WDR86: variants seen among roughly 807,000 people sequenced by gnomAD.
WDR86 encodes WD repeat domain 86, also known as WD repeat-containing protein 86.
A neutral mutation model predicts 36.5 loss-of-function variants in WDR86; 30 were observed. The ratio of observed to expected loss-of-function variants is 0.82; its 90% CI spans 0.61 to 1.11. WDR86 has a LOEUF of 1.11. WDR86 is among the 50% of genes most tolerant of loss of function. WDR86 has a pLI of 0.00. For synonymous variants in WDR86, 255 were observed against 252.9 expected (o/e 1.01, Z -0.08); for missense variants, 545 against 561.2 (o/e 0.97, Z 0.29).
rs1484185026 is a variant in WDR86, at chr7:151,401,252, G to A, written c.164-1011C>T. On this transcript the variant is annotated intron_variant, in intron 1 of 5. Coordinates refer to ENST00000334493, the MANE Select transcript of WDR86 (RefSeq NM_198285.3). The surrounding 1 kb of genome is among the most constrained non-coding windows in gnomAD (Gnocchi z 4.3). Reference sequence around the variant, plus strand: ...CCTGTGCAATACATTGCTCTATGCTGCATCTCCTTTGCTGTGTGTCTCCTG... The same window carrying A: ...CCTGTGCAATACATTGCTCTATGCTACATCTCCTTTGCTGTGTGTCTCCTG... Among the ~76,000 whole-genome samples the A allele has an allele frequency of 6.6e-6, 1 of 152,158 alleles. No individual in the cohort carries two copies. The highest frequency in any genetic ancestry group is 1.5e-5 in the Non-Finnish European group (1 of 68,044).
intron 3 of WDR86, among the ~76,000 whole-genome samples, chr7:151,391,217 G>A (rs75977005): frequency 0.015 from 2,354 of 152,376 alleles, 65 homozygotes; most frequent in African/African-American, 0.052. Context: ...CTGCGGGGGC[G>A]GGGCCCAGCG....
In WDR86 at chr7:151,395,758, G is replaced by A; in HGVS notation, c.726+18C>T. 2 of 1,534,638 alleles carry A rather than the reference G, an allele frequency of 1.3e-6. No homozygotes were observed. ...CTGGGCTCCCCTGGCTGCTGGGCGG[G>A]GACCAGGACAGTCTCACCTCCAGAC... On this transcript the variant is annotated intron_variant, in intron 3 of 5. Coordinates refer to ENST00000334493, the MANE Select transcript of WDR86 (RefSeq NM_198285.3).
intron 1 of WDR86, among the ~76,000 whole-genome samples, chr7:151,400,579 C>T (rs1003984239): frequency 3.3e-5 from 5 of 152,172 alleles, no homozygotes; most frequent in Non-Finnish European, 7.3e-5. Flanking sequence ...GATGGGGTTT[C>T]GCCATGTTAG....
intron 1 of WDR86, among the ~76,000 whole-genome samples, chr7:151,404,388 T>A (rs567413781): frequency 1.3e-5 from 2 of 152,124 alleles, no homozygotes; most frequent in Non-Finnish European, 2.9e-5. Flanking sequence ...CTCACCCACA[T>A]CTGAACACAC....
downstream of WDR86, among the ~76,000 whole-genome samples, chr7:151,374,878 C>T (rs537999532): frequency 1.2e-4 from 18 of 152,288 alleles, no homozygotes; most frequent in African/African-American, 3.8e-4. Context: ...TCAGAGCACA[C>T]GTGGTGAGGG....
At chr7:151,386,790 G>A (rs1423382212) in intron 3 of WDR86, among the ~76,000 whole-genome samples, 1 of 152,066 alleles carries the variant, frequency 6.6e-6, no homozygotes, top group Non-Finnish European at 1.5e-5. Flanking sequence ...GGCCCTGCAG[G>A]GCCCAGCTTC....
chr7:151,407,497 G>A (rs1800794901), intron 1 of WDR86, among the ~76,000 whole-genome samples: 1 of 152,182 alleles, frequency 6.6e-6, no homozygotes. Flanking sequence ...CAGCCCAGGG[G>A]CTCCCGGGGC....
At chr7:151,408,081 GT>G (rs1800855577) in intron 1 of WDR86, among the ~76,000 whole-genome samples, 1 of 151,932 alleles carries the variant, frequency 6.6e-6, no homozygotes. Context: ...ATGTGTGTTA[GT>G]TTGTGGCCAC....
upstream of WDR86, chr7:151,410,167 T>A: frequency 1.2e-6 from 1 of 832,620 alleles, no homozygotes; most frequent in Non-Finnish European, 1.4e-6. Flanking sequence ...GGGGGACGGC[T>A]CCACGTGCGA....
chr7:151,387,706 G>T (rs970869270), intron 3 of WDR86, among the ~76,000 whole-genome samples: 3 of 152,152 alleles, frequency 2.0e-5, no homozygotes, highest in Non-Finnish European at 4.4e-5. Context: ...GGTGGGAGAA[G>T]GCTGCAGAGG....
In WDR86 at chr7:151,405,667, G is replaced by A. The variant is rs946469365; in HGVS notation, c.163+3760C>T. ...CTTTCTGGACTTCTCCGGTGGGAGC[G>A]GTCAGTTGCCCCCAAGCTGTGTGAG... On this transcript the variant is annotated intron_variant, in intron 1 of 5. Coordinates refer to ENST00000334493, the MANE Select transcript of WDR86 (RefSeq NM_198285.3). This position sits in a 1 kb window ranked among gnomAD's most constrained non-coding sequence, Gnocchi z 4.7. 3.3e-5 allele frequency among the ~76,000 whole-genome samples: 5 copies of A among 151,920 alleles called. No homozygotes were observed. The highest frequency in any genetic ancestry group is 6.6e-5 in the Admixed American group (1 of 15,242).
In WDR86 at chr7:151,405,690, G is replaced by T. The variant is rs1800656210; in HGVS notation, c.163+3737C>A. ...GCGGTCAGTTGCCCCCAAGCTGTGT[G>T]AGGCTGCTGTGGCTCTTGTCACCAG... is the stretch of plus-strand genomic sequence containing the variant. On this transcript the variant is annotated intron_variant, in intron 1 of 5. Transcript: ENST00000334493. The surrounding 1 kb of genome is among the most constrained non-coding windows in gnomAD (Gnocchi z 4.7). Among the ~76,000 whole-genome samples the T allele has an allele frequency of 6.6e-6, 1 of 152,196 alleles. No homozygotes were observed. The highest frequency in any genetic ancestry group is 1.5e-5 in the Non-Finnish European group (1 of 68,036).
chr7:151,371,259 G>A (rs761278385), downstream of WDR86, among the ~76,000 whole-genome samples: 5 of 152,144 alleles, frequency 3.3e-5, no homozygotes, highest in Admixed American at 6.5e-5. Flanking sequence ...TTTATTGGCC[G>A]TTTACTTGTA....
chr7:151,410,009 C>T lies in WDR86; in HGVS notation c.-420G>A. On this transcript the variant is annotated 5_prime_UTR_variant, in exon 1 of 6. Transcript: ENST00000334493. ...ACACGGGAAGCCGAGCGCCCCGCGC[C>T]CTCCCCGGCCGAGCGCGGAACAATA... 1 of 996,822 alleles carries T rather than the reference C, an allele frequency of 1.0e-6. No homozygotes were observed. The highest frequency in any genetic ancestry group is 1.2e-6 in the Non-Finnish European group (1 of 837,926). The allele number at this position is 996,822 out of a possible 1,614,324, so 61.7% of individuals were successfully genotyped here. A position where few individuals can be genotyped will look rare whatever the true frequency, so the allele number is the denominator to read the frequency against.
At position 151,381,172 on chromosome 7, in the gene WDR86, CG is replaced by C. The variant is rs983074948; in HGVS notation, c.*409del. ...TCAGTTCCCCCCAAGGCCCTCGAGACGGACGATTTGCCAAAATAACCAGGTT... is the reference window on the plus strand; with the variant it reads ...TCAGTTCCCCCCAAGGCCCTCGAGACGACGATTTGCCAAAATAACCAGGTT... On this transcript the variant is annotated 3_prime_UTR_variant, in exon 6 of 6. Coordinates refer to ENST00000334493, the MANE Select transcript of WDR86 (RefSeq NM_198285.3). The surrounding 1 kb of genome is among the most constrained non-coding windows in gnomAD (Gnocchi z 4.8). 8.0e-7 allele frequency: 1 copy of C among 1,251,182 alleles called. No homozygotes were observed. Among genetic ancestry groups the C allele is most frequent in the African/African-American group, 1.5e-5 (1 of 64,522 alleles). The allele number at this position is 1,251,182 out of a possible 1,614,324, so 77.5% of individuals were successfully genotyped here. A position where few individuals can be genotyped will look rare whatever the true frequency, so the allele number is the denominator to read the frequency against.
intron 3 of WDR86, among the ~76,000 whole-genome samples, chr7:151,395,126 T>G (rs1799716402): frequency 6.6e-6 from 1 of 152,184 alleles, no homozygotes; most frequent in South Asian, 2.1e-4. Context: ...GCTTCCTCTA[T>G]CCTGGTTGTC....
In WDR86 at chr7:151,409,336, G is replaced by A. The variant is rs13238335; in HGVS notation, c.163+91C>T. 5.9e-6 allele frequency: 9 copies of A among 1,522,104 alleles called. No individual in the cohort carries two copies. The South Asian group carries it at 6.1e-5, about 10-fold the overall frequency. 94.3% of individuals were successfully genotyped at this position (1,522,104 alleles called of 1,614,324 possible). A position where few individuals can be genotyped will look rare whatever the true frequency, so the allele number is the denominator to read the frequency against. On this transcript the variant is annotated intron_variant, in intron 1 of 5. Coordinates refer to ENST00000334493, the MANE Select transcript of WDR86 (RefSeq NM_198285.3). This position sits in a 1 kb window ranked among gnomAD's most constrained non-coding sequence, Gnocchi z 5.2. ...GGGATGAGCGGGGGCTGGACTTCTA[G>A]AAAGGGGTCTGCGGGCGCAGGAGCT...
At chr7:151,377,058 G>T, downstream of WDR86, 1 of 1,560,466 alleles carries the variant, frequency 6.4e-7, no homozygotes, top group Non-Finnish European at 8.7e-7. Context: ...AACCTCTAGT[G>T]CCTCAACAGA....
intron 1 of WDR86, among the ~76,000 whole-genome samples, chr7:151,403,065 G>A (rs1800454668): frequency 6.6e-6 from 1 of 152,214 alleles, no homozygotes; most frequent in Non-Finnish European, 1.5e-5. Context: ...GCATACTTCA[G>A]TTCATCTCTA....
Sources: gnomAD v4.1 joint callset for allele counts (sites outside exome capture counted in the v4.1 genomes callset) on GRCh38, gnomAD v4.1.1 for gene constraint, Gnocchi (gnomAD v3.1) non-coding constraint, MANE v1.5 for transcripts, NCBI Gene and HGNC (gene_info 2026-07-23, HGNC 2026-07-21) for gene names.